Variants in FHOD3 observed in about 807,000 individuals in gnomAD.
FHOD3 encodes formin homology 2 domain containing 3, also known as FH1/FH2 domain-containing protein 3.
In FHOD3, 90 loss-of-function variants were observed where a neutral mutation model predicts 173.0. That is an observed-to-expected ratio of 0.52 (90% CI 0.44 to 0.62). The LOEUF (loss-of-function observed/expected upper bound fraction) is 0.62. Ranked by LOEUF, FHOD3 falls within the 20% of genes least tolerant of loss-of-function variation. The pLI, the probability that FHOD3 is intolerant of heterozygous loss-of-function variation, is 0.00. For missense variants in FHOD3, 1,945 were observed against 2,034.7 expected, an observed-to-expected ratio of 0.96 and a Z score of 0.85; for synonymous variants, 828 against 823.0, an observed-to-expected ratio of 1.01 and a Z score of -0.10.
chr18:36,310,488 C>T (rs566946029), intron 1 of FHOD3, among the ~76,000 whole-genome samples: 112 of 152,054 alleles, frequency 7.4e-4, no homozygotes, highest in African/African-American at 2.7e-3. Context: ...GAGTTTGGGA[C>T]CAGCCTGGCC....
Position 36,721,587 on chromosome 18 carries a change from C to T in FHOD3, c.3417+2872C>T, listed in dbSNP as rs149658679. Among the ~76,000 whole-genome samples, 52 of 152,276 alleles carry T rather than the reference C, an allele frequency of 3.4e-4. No individual in the cohort carries two copies. In the East Asian group the frequency reaches 9.3e-3, roughly 27 times the overall value. On this transcript the variant is annotated intron_variant, in intron 19 of 28. Coordinates refer to ENST00000590592, the MANE Select transcript of FHOD3 (RefSeq NM_001281740.3). Reference sequence around the variant, plus strand: ...CCTGAGCCTGAGAAGGTCAAGGTTGCATTGAGCTGTGATCATGCCACTGCA... The same window carrying T: ...CCTGAGCCTGAGAAGGTCAAGGTTGTATTGAGCTGTGATCATGCCACTGCA...
At chr18:36,586,171 T>C (rs554356231) in intron 6 of FHOD3, among the ~76,000 whole-genome samples, 1 of 152,204 alleles carries the variant, frequency 6.6e-6, no homozygotes, top group African/African-American at 2.4e-5. Context: ...ATTTGTCACA[T>C]TTTCCCAAGG....
At chr18:36,732,300 CTGT>C (rs1216020571) in intron 20 of FHOD3, among the ~76,000 whole-genome samples, 1 of 152,188 alleles carries the variant, frequency 6.6e-6, no homozygotes, top group East Asian at 1.9e-4. Context: ...GAATGCATTT[CTGT>C]TGTTTAAGCC....
At chr18:36,671,962 A>G (rs2037563764) in intron 14 of FHOD3, among the ~76,000 whole-genome samples, 1 of 152,200 alleles carries the variant, frequency 6.6e-6, no homozygotes, top group African/African-American at 2.4e-5. Context: ...AGCAGTGTCC[A>G]CTGTGGTCAT....
intron 27 of FHOD3, among the ~76,000 whole-genome samples, chr18:36,768,380 C>T (rs1370519992): frequency 6.6e-6 from 1 of 152,122 alleles, no homozygotes; most frequent in Non-Finnish European, 1.5e-5. Flanking sequence ...AGATTTTTTC[C>T]AACAATACAG....
chr18:36,744,884 G>C (rs745653514), intron 23 of FHOD3, among the ~76,000 whole-genome samples: 4 of 152,204 alleles, frequency 2.6e-5, no homozygotes, highest in Non-Finnish European at 5.9e-5. Flanking sequence ...GAGATGTGAA[G>C]GTCTTAGGAG....
intron 4 of FHOD3, among the ~76,000 whole-genome samples, chr18:36,504,879 G>T (rs542869486): frequency 6.6e-6 from 1 of 152,274 alleles, no homozygotes; most frequent in South Asian, 2.1e-4. Flanking sequence ...CTGACATGAT[G>T]CCACAAGTAG....
chr18:36,415,889 TTTGA>T (rs2049615733), intron 3 of FHOD3, among the ~76,000 whole-genome samples: 1 of 152,228 alleles, frequency 6.6e-6, no homozygotes, highest in Non-Finnish European at 1.5e-5. Flanking sequence ...AAATTTGGTC[TTTGA>T]TTGATGAAGT....
At chr18:36,552,740 C>T (rs1364927936) in intron 5 of FHOD3, among the ~76,000 whole-genome samples, 1 of 151,984 alleles carries the variant, frequency 6.6e-6, no homozygotes, top group East Asian at 1.9e-4. Flanking sequence ...CCTCATGATC[C>T]ACCCGCCTCG....
Position 36,576,527 on chromosome 18 carries a change from C to T in FHOD3, c.588C>T (p.Tyr196=), listed in dbSNP as rs1158580018. Residue 196 remains tyrosine (Y), a synonymous_variant, in exon 6 of 29, where the codon TAC becomes TAT. Coordinates refer to ENST00000590592, the MANE Select transcript of FHOD3 (RefSeq NM_001281740.3). ...INRNETIQWL[Y]TLIGSKFRLV... ...GCAATGAAACCATTCAGTGGCTGTA[C>T]ACTCTCATTGGGTCAAAGGTAAGGG... is the stretch of plus-strand genomic sequence containing the variant. The T allele has an allele frequency of 3.1e-6, 5 of 1,613,372 alleles. No homozygotes were observed. The highest frequency in any genetic ancestry group is 4.2e-6 in the Non-Finnish European group (5 of 1,179,556).
intron 27 of FHOD3, among the ~76,000 whole-genome samples, chr18:36,762,439 A>T (rs1600609336): frequency 1.3e-5 from 2 of 152,308 alleles, no homozygotes; most frequent in Middle Eastern, 6.8e-3. Flanking sequence ...ATGTGACTAC[A>T]GTGTTACTAA....
intron 2 of FHOD3, among the ~76,000 whole-genome samples, chr18:36,359,753 C>T (rs189530039): frequency 1.7e-3 from 260 of 152,286 alleles, no homozygotes; most frequent in African/African-American, 5.9e-3. Context: ...TGTAACTTCA[C>T]CTCTCTGAAC....
intron 5 of FHOD3, among the ~76,000 whole-genome samples, chr18:36,551,813 G>A (rs920661527): frequency 6.6e-6 from 1 of 152,200 alleles, no homozygotes; most frequent in African/African-American, 2.4e-5. Flanking sequence ...TTGTAGATTT[G>A]TGGTATTATT....
rs144223411 is a variant in FHOD3, at chr18:36,594,853, G to A, written c.673G>A (p.Ala225Thr). 7.5e-4 allele frequency: 1,215 copies of A among 1,613,852 alleles called. No individual in the cohort carries two copies. The highest frequency in any genetic ancestry group is 9.4e-4 in the Non-Finnish European group (1,113 of 1,179,906). The change falls in exon 7 of 29, where the codon GCA (alanine) becomes ACA (threonine). Residue 225 changes from alanine to threonine, a missense_variant. Ala to Thr is a moderately conservative substitution (Grantham distance 58). Around this residue, in one of 5 missense-constraint regions of FHOD3, gnomAD observed 16 missense variants for 34.0 expected, o/e 0.47. Transcript: ENST00000590592. ...LVFVEYSESN[A>T]PLLIQAVTAV... ...CTTTGTAGAGTACTCGGAGTCCAAC[G>A]CACCTCTCCTAATTCAGGCTGTCAC...
chr18:36,700,026 AC>A (rs989317302), intron 17 of FHOD3, among the ~76,000 whole-genome samples: 2 of 152,024 alleles, frequency 1.3e-5, no homozygotes, highest in African/African-American at 2.4e-5. Flanking sequence ...TGTTTTCTCA[AC>A]ATTTGTCTTA....
chr18:36,566,258 G>C (rs576272680), intron 5 of FHOD3, among the ~76,000 whole-genome samples: 5 of 152,152 alleles, frequency 3.3e-5, no homozygotes, highest in Admixed American at 2.0e-4. Flanking sequence ...ATTTGGTATC[G>C]GATCCTTGTA....
chr18:36,644,296 C>G (rs1483176016), intron 10 of FHOD3, among the ~76,000 whole-genome samples: 1 of 152,168 alleles, frequency 6.6e-6, no homozygotes, highest in Non-Finnish European at 1.5e-5. Context: ...ATAAGAAAAT[C>G]TAGTTTGAGA....
chr18:36,565,647 A>T (rs114405610), intron 5 of FHOD3, among the ~76,000 whole-genome samples: 1,620 of 152,096 alleles, frequency 0.011, 20 homozygotes, highest in African/African-American at 0.037. Flanking sequence ...TTTTTTCTGT[A>T]CTTTTGGTAG....
intron 5 of FHOD3, among the ~76,000 whole-genome samples, chr18:36,546,923 G>A (rs1197290987): frequency 6.6e-6 from 1 of 152,092 alleles, no homozygotes; most frequent in Admixed American, 6.5e-5. Flanking sequence ...ATAGAACCTC[G>A]AAGCAAGTAG....
Sources: gnomAD v4.1 joint callset for allele counts (sites outside exome capture counted in the v4.1 genomes callset) on GRCh38, gnomAD v4.1.1 for gene constraint, gnomAD v4.1.1 regional missense constraint, MANE v1.5 for transcripts, NCBI Gene and HGNC (gene_info 2026-07-23, HGNC 2026-07-21) for gene names.